KDM4C: variants seen among roughly 807,000 people sequenced by gnomAD.
KDM4C encodes the protein lysine-specific demethylase 4C.
Under a neutral mutation model 129.3 loss-of-function variants are expected in KDM4C, and 81 were observed. The observed-to-expected ratio is 0.63, with a 90% confidence interval of 0.52 to 0.75. The LOEUF is 0.75. Ranked by LOEUF, KDM4C falls within the 30% of genes least tolerant of loss-of-function variation. KDM4C has a pLI of 0.00. For missense variants in KDM4C, 1,457 were observed against 1,304.0 expected (o/e 1.12, Z -1.81); for synonymous variants, 573 against 456.1 (o/e 1.26, Z -3.26).
At chr9:6,913,404 A>G (rs796450541) in intron 8 of KDM4C, among the ~76,000 whole-genome samples, 7 of 152,342 alleles carry the variant, frequency 4.6e-5, no homozygotes, top group African/African-American at 1.7e-4. Flanking sequence ...AATCTAATGC[A>G]CTGTCTTAGG....
At chr9:7,052,898 A>AGAGAGAGAGAGAGAGCGAGAGAGT (rs1477487723) in intron 17 of KDM4C, among the ~76,000 whole-genome samples, 6 of 47,608 alleles carry the variant, frequency 1.3e-4, no homozygotes, top group Non-Finnish European at 3.5e-4. Flanking sequence ...AGAGAGAGAG[A>AGAGAGAGAGAGAGAGCGAGAGAGT]GAGCGAGCGA....
At chr9:6,743,418 G>A (rs987473301) in intron 1 of KDM4C, among the ~76,000 whole-genome samples, 3 of 152,058 alleles carry the variant, frequency 2.0e-5, no homozygotes, top group Admixed American at 1.3e-4. Context: ...TCAAGAGTGT[G>A]CATCTTTAGT....
intron 19 of KDM4C, among the ~76,000 whole-genome samples, chr9:7,137,561 A>G (rs748382475): frequency 7.2e-5 from 11 of 152,252 alleles, no homozygotes; most frequent in Non-Finnish European, 1.6e-4. Context: ...TCTAGATACC[A>G]TGACTAAGTG....
At position 7,174,807 on chromosome 9, in the gene KDM4C, C is replaced by CGT; in HGVS notation, c.*80_*81dup. On this transcript the variant is annotated 3_prime_UTR_variant, in exon 22 of 22. Transcript: ENST00000381309. ...TGAAGGGACATCCTTGGGGCTGTGCCGTGAGTTTTGCTGGCATAGGTGACA... is the reference window on the plus strand; with the variant it reads ...TGAAGGGACATCCTTGGGGCTGTGCCGTGTGAGTTTTGCTGGCATAGGTGACA... The CGT allele has an allele frequency of 7.5e-7, 1 of 1,333,436 alleles. No individual in the cohort carries two copies. Among genetic ancestry groups the CGT allele is most frequent in the South Asian group, 1.3e-5 (1 of 74,478 alleles). The allele number at this position is 1,333,436 out of a possible 1,614,324, so 82.6% of individuals were successfully genotyped here. A position where few individuals can be genotyped will look rare whatever the true frequency, so the allele number is the denominator to read the frequency against.
rs116199854 is a variant in KDM4C, at chr9:6,977,480, G to A, written c.922-3445G>A. On this transcript the variant is annotated intron_variant, in intron 8 of 21. Coordinates refer to ENST00000381309, the MANE Select transcript of KDM4C (RefSeq NM_015061.6). ...TGTCTCCCAAAACCACATACATGTTGCCATGTAATACCAAGCTCTTATGTT... is the reference window on the plus strand; with the variant it reads ...TGTCTCCCAAAACCACATACATGTTACCATGTAATACCAAGCTCTTATGTT... Among the ~76,000 whole-genome samples the A allele has an allele frequency of 6.4e-3, 974 of 152,220 alleles. 10 individuals are homozygous for A. The highest frequency in any genetic ancestry group is 0.023 in the African/African-American group (937 of 41,526).
At chr9:7,124,743 T>G (rs980023015) in intron 18 of KDM4C, among the ~76,000 whole-genome samples, 1 of 152,130 alleles carries the variant, frequency 6.6e-6, no homozygotes, top group Non-Finnish European at 1.5e-5. Context: ...TACCGACACC[T>G]AAAGGTACAG....
chr9:6,953,432 T>G (rs1828531268), intron 8 of KDM4C, among the ~76,000 whole-genome samples: 1 of 152,268 alleles, frequency 6.6e-6, no homozygotes, highest in Non-Finnish European at 1.5e-5. Context: ...AAGAAACATT[T>G]AATACTTGCA....
chr9:6,845,586 C>T (rs941777498), intron 4 of KDM4C, among the ~76,000 whole-genome samples: 1 of 152,124 alleles, frequency 6.6e-6, no homozygotes, highest in Non-Finnish European at 1.5e-5. Flanking sequence ...AAGGGAATAT[C>T]CCTAATAAAG....
Position 7,174,752 on chromosome 9 carries a change from A to G in KDM4C, c.*23A>G. Reference sequence around the variant, plus strand: ...TAGTCTGCATACATCGCTGCAGGCCACAGAGCAGCTTGGGTTGGAAGAGAG... The same window carrying G: ...TAGTCTGCATACATCGCTGCAGGCCGCAGAGCAGCTTGGGTTGGAAGAGAG... On this transcript the variant is annotated 3_prime_UTR_variant, in exon 22 of 22. Transcript: ENST00000381309. The G allele has an allele frequency of 6.2e-7, 1 of 1,605,350 alleles. No homozygotes were observed. Among genetic ancestry groups the G allele is most frequent in the East Asian group, 2.2e-5 (1 of 44,768 alleles).
chr9:7,064,833 G>A (rs547280864), intron 17 of KDM4C, among the ~76,000 whole-genome samples: 1 of 152,296 alleles, frequency 6.6e-6, no homozygotes, highest in Non-Finnish European at 1.5e-5. Flanking sequence ...TCAGGGGACA[G>A]TGAACAACTG....
rs183831567 is a variant in KDM4C, at chr9:6,952,702, A to G, written c.922-28223A>G. On this transcript the variant is annotated intron_variant, in intron 8 of 21. Transcript: ENST00000381309. Reference sequence around the variant, plus strand: ...TTGATTCACCTGCCTTGGCCTCCCAAACTGATGGGATTACAGGTGTGAGCC... The same window carrying G: ...TTGATTCACCTGCCTTGGCCTCCCAGACTGATGGGATTACAGGTGTGAGCC... Among the ~76,000 whole-genome samples the G allele has an allele frequency of 1.7e-4, 26 of 152,182 alleles. No homozygotes were observed. The East Asian group carries it at 4.8e-3, about 28-fold the overall frequency.
In KDM4C at chr9:6,886,349, G is replaced by A. The variant is rs181588095; in HGVS notation, c.680-1611G>A. 3.6e-3 allele frequency among the ~76,000 whole-genome samples: 522 copies of A among 144,678 alleles called. 2 individuals carry two copies. The highest frequency in any genetic ancestry group is 0.012 in the African/African-American group (474 of 38,820). The allele number at this position is 144,678 out of a possible 152,430, so 94.9% of individuals were successfully genotyped here. A position where few individuals can be genotyped will look rare whatever the true frequency, so the allele number is the denominator to read the frequency against. ...TTTTTTTTTTTTTGGAGTCTCTCTC[G>A]TTGCCCAGGCTGGAGTACAGTGGTG... is the stretch of plus-strand genomic sequence containing the variant. On this transcript the variant is annotated intron_variant, in intron 6 of 21. Transcript: ENST00000381309.
chr9:7,172,219 G>A (rs187635801), intron 21 of KDM4C, among the ~76,000 whole-genome samples: 7 of 152,174 alleles, frequency 4.6e-5, no homozygotes, highest in East Asian at 1.9e-4. Context: ...TAATGACTTC[G>A]GCTCACCCAG....
intron 8 of KDM4C, among the ~76,000 whole-genome samples, chr9:6,975,718 A>G (rs1367039506): frequency 7.1e-6 from 1 of 140,432 alleles, no homozygotes; most frequent in East Asian, 2.4e-4. Context: ...AGTATCTGAG[A>G]TAATTCACTA....
At chr9:6,867,429 C>T (rs1190599325) in intron 5 of KDM4C, among the ~76,000 whole-genome samples, 2 of 152,092 alleles carry the variant, frequency 1.3e-5, no homozygotes, top group Non-Finnish European at 2.9e-5. Flanking sequence ...AATAAATGAT[C>T]ATTTGGAAAG....
At chr9:6,868,746 T>G (rs1307459365) in intron 5 of KDM4C, among the ~76,000 whole-genome samples, 2 of 152,134 alleles carry the variant, frequency 1.3e-5, no homozygotes, top group African/African-American at 4.8e-5. Context: ...TGTGGGACTC[T>G]CGGTGTGGAG....
At chr9:6,862,807 A>AAAACAAACAAACAAACAAAC (rs367828705) in intron 5 of KDM4C, among the ~76,000 whole-genome samples, 2 of 150,664 alleles carry the variant, frequency 1.3e-5, no homozygotes. Context: ...ACTTTGTCTC[A>AAAACAAACAAACAAACAAAC]AAACAAACAA....
In KDM4C at chr9:6,980,996, T is replaced by C. The variant is rs1347248017; in HGVS notation, c.993T>C (p.Tyr331=). 6 of 1,613,746 alleles carry C rather than the reference T, an allele frequency of 3.7e-6. No homozygotes were observed. In the African/African-American group the frequency reaches 4.0e-5, roughly 11 times the overall value. ...IFVRKFQPDR[Y]QLWKQGKDIY... The stretch of plus-strand genomic sequence containing the variant: ...TGAGGAAATTTCAGCCAGACAGATA[T>C]CAGCTTTGGAAACAAGGAAAGGATA... Residue 331 remains tyrosine (Y), a synonymous_variant, in exon 9 of 22, where the codon TAT becomes TAC. Transcript: ENST00000381309.
intron 14 of KDM4C, among the ~76,000 whole-genome samples, chr9:7,014,642 T>C (rs77855176): frequency 1.3e-5 from 2 of 152,184 alleles, no homozygotes; most frequent in Non-Finnish European, 2.9e-5. Context: ...TTTTAAGGCA[T>C]TTTAATATTC....
Sources: gnomAD v4.1 joint callset for allele counts (sites outside exome capture counted in the v4.1 genomes callset) on GRCh38, gnomAD v4.1.1 for gene constraint, MANE v1.5 for transcripts, NCBI Gene and HGNC (gene_info 2026-07-23, HGNC 2026-07-21) for gene names.